The following GABRB1 variants were observed in gnomAD, a reference collection of about 807,000 sequenced individuals.
GABRB1 encodes gamma-aminobutyric acid type A receptor subunit beta1, also known as gamma-aminobutyric acid receptor subunit beta-1.
GABRB1 carries 17 observed loss-of-function variants against 51.6 expected under a neutral mutation model. The observed-to-expected ratio is 0.33, with a 90% CI of 0.23 to 0.49. The LOEUF is 0.49. Ranked by LOEUF, GABRB1 falls within the 20% of genes least tolerant of loss-of-function variation. The probability of loss-of-function intolerance (pLI) is 0.99; values close to 1 mark genes in which losing one functional copy is unlikely to be tolerated. For synonymous variants in GABRB1, 247 were observed against 218.9 expected, an observed-to-expected ratio of 1.13 and a Z score of -1.14; for missense variants, 410 against 600.6, an observed-to-expected ratio of 0.68 and a Z score of 3.32.
chr4:47,298,771 G>A (rs1027552513), intron 4 of GABRB1, among the ~76,000 whole-genome samples: 8 of 152,118 alleles, frequency 5.3e-5, no homozygotes, highest in African/African-American at 1.4e-4. Context: ...AAAAGAACCT[G>A]CATTGCCAAG....
At chr4:47,364,402 A>G (rs1726907795) in intron 5 of GABRB1, among the ~76,000 whole-genome samples, 1 of 152,150 alleles carries the variant, frequency 6.6e-6, no homozygotes, top group South Asian at 2.1e-4. Context: ...AGTTGGAGTA[A>G]AAGAAAGGGA....
chr4:47,089,166 G>GC (rs1728195477), intron 3 of GABRB1, among the ~76,000 whole-genome samples: 1 of 152,170 alleles, frequency 6.6e-6, no homozygotes, highest in Non-Finnish European at 1.5e-5. Flanking sequence ...AACCTTAAAT[G>GC]TTTTTCGTTT....
At chr4:47,223,161 C>G (rs151006141) in intron 4 of GABRB1, among the ~76,000 whole-genome samples, 45 of 152,152 alleles carry the variant, frequency 3.0e-4, no homozygotes, top group Middle Eastern at 3.4e-3. Context: ...TCATGAGAAA[C>G]AGTGCCCCAA....
intron 1 of GABRB1, among the ~76,000 whole-genome samples, chr4:47,015,229 G>A (rs564062148): frequency 6.6e-6 from 1 of 152,110 alleles, no homozygotes; most frequent in East Asian, 1.9e-4. Flanking sequence ...TATTATGATG[G>A]GTCTATAAAT....
chr4:47,133,452 A>G (rs1217289638), intron 3 of GABRB1, among the ~76,000 whole-genome samples: 1 of 152,224 alleles, frequency 6.6e-6, no homozygotes, highest in African/African-American at 2.4e-5. Flanking sequence ...TCTTCAATAT[A>G]GTGGCTTCAT....
intron 5 of GABRB1, among the ~76,000 whole-genome samples, chr4:47,348,592 A>G (rs1038712574): frequency 1.3e-5 from 2 of 152,230 alleles, no homozygotes; most frequent in Non-Finnish European, 2.9e-5. Flanking sequence ...GAAAAATTCC[A>G]AAATCTGAAA....
chr4:47,252,772 C>T (rs187452536), intron 4 of GABRB1, among the ~76,000 whole-genome samples: 69 of 152,122 alleles, frequency 4.5e-4, no homozygotes, highest in African/African-American at 1.5e-3. Context: ...AGGATCTCAG[C>T]CTCCTAAAGT....
intron 4 of GABRB1, among the ~76,000 whole-genome samples, chr4:47,187,072 G>A (rs1469880625): frequency 1.3e-5 from 2 of 151,878 alleles, no homozygotes; most frequent in African/African-American, 4.8e-5. Context: ...GAAGCTCTCA[G>A]GATTGTGATT....
chr4:47,147,962 A>G (rs895915099), intron 3 of GABRB1, among the ~76,000 whole-genome samples: 1 of 152,072 alleles, frequency 6.6e-6, no homozygotes, highest in Non-Finnish European at 1.5e-5. Context: ...TAACCTTGGG[A>G]GCAACATGAT....
At chr4:47,237,656 T>C (rs1210717689) in intron 4 of GABRB1, among the ~76,000 whole-genome samples, 1 of 151,970 alleles carries the variant, frequency 6.6e-6, no homozygotes, top group East Asian at 1.9e-4. Context: ...ACCTTTACCT[T>C]TACCTCCAAT....
intron 8 of GABRB1, among the ~76,000 whole-genome samples, chr4:47,408,355 A>G (rs1728646251): frequency 6.6e-6 from 1 of 152,216 alleles, no homozygotes; most frequent in African/African-American, 2.4e-5. Context: ...AGTGAGGAAG[A>G]AAGCAGAGTA....
At chr4:47,248,089 C>T (rs911392252) in intron 4 of GABRB1, among the ~76,000 whole-genome samples, 1 of 151,984 alleles carries the variant, frequency 6.6e-6, no homozygotes, top group African/African-American at 2.4e-5. Flanking sequence ...TGTCTTATTC[C>T]AGTTCTTAGA....
intron 4 of GABRB1, among the ~76,000 whole-genome samples, chr4:47,277,172 T>G (rs1300519774): frequency 6.6e-6 from 1 of 152,128 alleles, no homozygotes; most frequent in Non-Finnish European, 1.5e-5. Context: ...TGGAGTACTA[T>G]TCAGCCATAA....
intron 7 of GABRB1, among the ~76,000 whole-genome samples, chr4:47,405,852 T>C (rs1331841665): frequency 1.3e-5 from 2 of 152,188 alleles, no homozygotes; most frequent in East Asian, 3.8e-4. Context: ...ATATTTGTTA[T>C]ACAGCTAAAC....
intron 3 of GABRB1, among the ~76,000 whole-genome samples, chr4:47,156,973 A>C (rs1383404116): frequency 6.6e-6 from 1 of 152,142 alleles, no homozygotes; most frequent in Admixed American, 6.6e-5. Context: ...ATCTCAAAAA[A>C]TAAAAATAAA....
intron 3 of GABRB1, among the ~76,000 whole-genome samples, chr4:47,116,072 T>C (rs1715464452): frequency 6.6e-6 from 1 of 152,232 alleles, no homozygotes; most frequent in Non-Finnish European, 1.5e-5. Context: ...GAAGCAAGCT[T>C]CAAATTTTGA....
chr4:47,251,883 C>T (rs1722002072), intron 4 of GABRB1, among the ~76,000 whole-genome samples: 1 of 152,170 alleles, frequency 6.6e-6, no homozygotes, highest in Admixed American at 6.5e-5. Context: ...GTGGGCGAGC[C>T]AGACTTGAGA....
intron 8 of GABRB1, among the ~76,000 whole-genome samples, chr4:47,421,063 C>G (rs977851505): frequency 2.0e-5 from 3 of 151,962 alleles, no homozygotes; most frequent in Non-Finnish European, 4.4e-5. Context: ...TATATAGCTA[C>G]TTTAAAAATT....
At chr4:47,230,004 T>C (rs1050190996) in intron 4 of GABRB1, among the ~76,000 whole-genome samples, 4 of 152,196 alleles carry the variant, frequency 2.6e-5, no homozygotes, top group African/African-American at 9.6e-5. Context: ...GCAAAATATC[T>C]TAATAAGGGG....
Sources: allele counts gnomAD v4.1 joint callset (sites outside exome capture counted in the v4.1 genomes callset), GRCh38; gene constraint gnomAD v4.1.1; transcripts MANE v1.5; gene names NCBI Gene and HGNC (gene_info 2026-07-23, HGNC 2026-07-21).